The following BNIP5 variants were observed in gnomAD, a reference collection of about 807,000 sequenced individuals.
The protein encoded by BNIP5 is protein BNIP5.
A neutral mutation model predicts 67.3 loss-of-function variants in BNIP5; 61 were observed. The ratio of observed to expected loss-of-function variants is 0.91; its 90% CI spans 0.74 to 1.12. The LOEUF (loss-of-function observed/expected upper bound fraction) is 1.12, where lower values mean the gene tolerates loss of function less well. Ranked by LOEUF, BNIP5 falls within the 50% of genes most tolerant of loss-of-function variation. The pLI, the probability that BNIP5 is intolerant of heterozygous loss-of-function variation, is 0.00. For synonymous variants in BNIP5, 317 were observed against 319.0 expected, an observed-to-expected ratio of 0.99 and a Z score of 0.07; for missense variants, 826 against 816.3, an observed-to-expected ratio of 1.01 and a Z score of -0.14.
Position 36,322,189 on chromosome 6 carries a change from G to A in BNIP5, c.1603+122C>T, listed in dbSNP as rs1324006381. On this transcript the variant is annotated intron_variant, in intron 9 of 11. Transcript: ENST00000437635. ...CCCTGCCCCATCCTAGAGTCTCCTG[G>A]GGTCTTTGCCTGCTGCCTTCCCCAT... is the stretch of plus-strand genomic sequence containing the variant. 4.0e-6 allele frequency: 5 copies of A among 1,265,824 alleles called. No individual in the cohort carries two copies. In the Admixed American group the frequency reaches 8.5e-5, roughly 22 times the overall value. 78.4% of individuals were successfully genotyped at this position (1,265,824 alleles called of 1,614,324 possible).
At chr6:36,321,797 T>C (rs898729984) in intron 9 of BNIP5, among the ~76,000 whole-genome samples, 5 of 152,230 alleles carry the variant, frequency 3.3e-5, no homozygotes, top group African/African-American at 1.2e-4. Context: ...AACCTCGGCC[T>C]CCTGGGTTCC....
intron 2 of BNIP5, 108 bp downstream of exon 2, chr6:36,329,973 C>T (rs148100546): frequency 2.5e-5 from 32 of 1,271,010 alleles, no homozygotes; most frequent in Middle Eastern, 2.8e-4. Context: ...ACAGCGGTGC[C>T]GGCCCCTGAC....
chr6:36,324,614 T>C (rs1257936549), intron 6 of BNIP5, among the ~76,000 whole-genome samples: 1 of 39,072 alleles, frequency 2.6e-5, no homozygotes, highest in Non-Finnish European at 4.8e-5. Context: ...TATATATATA[T>C]ATATATATAT....
chr6:36,318,458 A>T (rs1435240446), intron 11 of BNIP5, among the ~76,000 whole-genome samples: 1 of 152,118 alleles, frequency 6.6e-6, no homozygotes, highest in Non-Finnish European at 1.5e-5. Flanking sequence ...CTGTAATCCC[A>T]GCACTTTGGG....
rs113633413 is a variant in BNIP5, at chr6:36,317,310, G to A, written c.*46C>T. Reference sequence around the variant, plus strand: ...TTCAGGGTCTCCTGGCTAAAGCTGCGAACCATTTGGCTAGTTCAAGGGAAT... The same window carrying A: ...TTCAGGGTCTCCTGGCTAAAGCTGCAAACCATTTGGCTAGTTCAAGGGAAT... On this transcript the variant is annotated 3_prime_UTR_variant, in exon 12 of 12. Coordinates refer to ENST00000437635, the MANE Select transcript of BNIP5 (RefSeq NM_001010903.5). The A allele has an allele frequency of 5.3e-4, 819 of 1,532,782 alleles. 3 individuals are homozygous for A. Among genetic ancestry groups the A allele is most frequent in the African/African-American group, 2.9e-3 (209 of 73,282 alleles). 94.9% of individuals were successfully genotyped at this position (1,532,782 alleles called of 1,614,324 possible). A position where few individuals can be genotyped will look rare whatever the true frequency, so the allele number is the denominator to read the frequency against.
Position 36,326,718 on chromosome 6 carries a change from T to G in BNIP5, c.828A>C (p.Pro276=). Residue 276 remains proline (P), a synonymous_variant, in exon 5 of 12, where the codon CCA becomes CCC. Coordinates refer to ENST00000437635, the MANE Select transcript of BNIP5 (RefSeq NM_001010903.5). ...SLASQLGVAL[P]NPAPAVRKKS... ...TCTTCCTAACAGCTGGTGCTGGGTT[T>G]GGCAGGGCCACCCCCAGCTGTGAGG... The G allele has an allele frequency of 6.2e-7, 1 of 1,614,224 alleles. No individual in the cohort carries two copies. The highest frequency in any genetic ancestry group is 1.7e-5 in the Admixed American group (1 of 60,026).
chr6:36,317,293 C>T lies in BNIP5; in HGVS notation c.*63G>A. On this transcript the variant is annotated 3_prime_UTR_variant, in exon 12 of 12. Transcript: ENST00000437635. The stretch of plus-strand genomic sequence containing the variant: ...GGACATCACAGAGCATCTTCAGGGT[C>T]TCCTGGCTAAAGCTGCGAACCATTT... 7.5e-7 allele frequency: 1 copy of T among 1,326,974 alleles called. No individual in the cohort carries two copies. The highest frequency in any genetic ancestry group is 1.1e-6 in the Non-Finnish European group (1 of 918,002). 82.2% of individuals were successfully genotyped at this position (1,326,974 alleles called of 1,614,324 possible). A position where few individuals can be genotyped will look rare whatever the true frequency, so the allele number is the denominator to read the frequency against.
At chr6:36,333,245 C>T (rs975043991) in intron 1 of BNIP5, among the ~76,000 whole-genome samples, 11 of 152,172 alleles carry the variant, frequency 7.2e-5, no homozygotes, top group Non-Finnish European at 1.2e-4. Flanking sequence ...CCATTGGGGC[C>T]GAGTGTCCAC....
rs73406937 is a variant in BNIP5 at position 36,331,151 on chromosome 6, G to A, written c.-4-457C>T. Among the ~76,000 whole-genome samples the A allele has an allele frequency of 8.9e-4, 135 of 152,306 alleles. 1 individual carries two copies. Among genetic ancestry groups the A allele is most frequent in the African/African-American group, 2.6e-3 (106 of 41,556 alleles). Reference sequence around the variant, plus strand: ...GGGCCCATTCACCCTGCCCACTAACGTGAGTAGTGTCAACAATTTCTCAAA... The same window carrying A: ...GGGCCCATTCACCCTGCCCACTAACATGAGTAGTGTCAACAATTTCTCAAA... On this transcript the variant is annotated intron_variant, in intron 1 of 11. Transcript: ENST00000437635.
intron 6 of BNIP5, among the ~76,000 whole-genome samples, chr6:36,324,916 G>C (rs1771727474): frequency 1.3e-5 from 2 of 151,944 alleles, no homozygotes; most frequent in Admixed American, 1.3e-4. Flanking sequence ...TGAAGAAACT[G>C]AGACCAGAGA....
At chr6:36,335,718 G>A (rs1160171160) in intron 1 of BNIP5, among the ~76,000 whole-genome samples, 3 of 152,198 alleles carry the variant, frequency 2.0e-5, no homozygotes, top group African/African-American at 7.2e-5. Flanking sequence ...TTTGCCAGGA[G>A]CAGTGAATCA....
intron 3 of BNIP5, 52 bp from the exon 4 acceptor site, chr6:36,327,146 C>A: frequency 6.8e-7 from 1 of 1,470,894 alleles, no homozygotes; most frequent in South Asian, 1.1e-5. Context: ...ACTGACAACT[C>A]CTTCTAAATT....
In BNIP5 at chr6:36,316,366, C is replaced by G. The variant is rs1771514938; in HGVS notation, c.*990G>C. 7.6e-6 allele frequency: 3 copies of G among 397,304 alleles called. No individual in the cohort carries two copies. The highest frequency in any genetic ancestry group is 3.6e-5 in the East Asian group (1 of 28,082). The allele number at this position is 397,304 out of a possible 1,614,324, so 24.6% of individuals were successfully genotyped here. A position where few individuals can be genotyped will look rare whatever the true frequency, so the allele number is the denominator to read the frequency against. ...AAGCTATTGAAACTGTTGAGCTATA[C>G]AGAAGGCAGAGCCTCTGGCACCCCC... On this transcript the variant is annotated 3_prime_UTR_variant, in exon 12 of 12. Transcript: ENST00000437635.
chr6:36,326,407 C>G (rs1447156805), intron 5 of BNIP5, 103 bp downstream of exon 5: 21 of 1,436,622 alleles, frequency 1.5e-5, no homozygotes, highest in Non-Finnish European at 1.9e-5. Context: ...AAAGTCAGAC[C>G]AGGCACAACG....
At chr6:36,335,131 A>C (rs1313874845) in intron 1 of BNIP5, among the ~76,000 whole-genome samples, 1 of 152,202 alleles carries the variant, frequency 6.6e-6, no homozygotes, top group Non-Finnish European at 1.5e-5. Context: ...CTGACCCTGG[A>C]ACGGGAAGTT....
rs1771538639 is a variant in BNIP5 at position 36,317,195 on chromosome 6, C to T, written c.*161G>A. On this transcript the variant is annotated 3_prime_UTR_variant, in exon 12 of 12. Transcript: ENST00000437635. ...CCTTGTGGAAGAATGCTCTGTGCTTCTCAGATACTAGGGTATGGACACAGA... is the reference window on the plus strand; with the variant it reads ...CCTTGTGGAAGAATGCTCTGTGCTTTTCAGATACTAGGGTATGGACACAGA... 1.4e-6 allele frequency: 1 copy of T among 690,496 alleles called. No homozygotes were observed. The highest frequency in any genetic ancestry group is 2.6e-6 in the Non-Finnish European group (1 of 379,384). The allele number at this position is 690,496 out of a possible 1,614,324, so 42.8% of individuals were successfully genotyped here.
chr6:36,316,543 C>A lies in BNIP5; in HGVS notation c.*813G>T, dbSNP rs532175303. On this transcript the variant is annotated 3_prime_UTR_variant, in exon 12 of 12. Transcript: ENST00000437635. ...GAGTATGGTGCTCTTGAGCAGTGCA[C>A]CCCTGTGCAACAATCCATGGCAGTC... is the stretch of plus-strand genomic sequence containing the variant. 20 of 398,692 alleles carry A rather than the reference C, an allele frequency of 5.0e-5. No individual in the cohort carries two copies. The South Asian group carries it at 7.6e-4, about 15-fold the overall frequency. The allele number at this position is 398,692 out of a possible 1,614,324, so 24.7% of individuals were successfully genotyped here. A position where few individuals can be genotyped will look rare whatever the true frequency, so the allele number is the denominator to read the frequency against.
At chr6:36,329,650 A>G (rs531006731) in intron 2 of BNIP5, among the ~76,000 whole-genome samples, 42 of 152,134 alleles carry the variant, frequency 2.8e-4, no homozygotes, top group African/African-American at 1.0e-3. Context: ...GTCTCTGCTA[A>G]AAAATACAAA....
At position 36,316,475 on chromosome 6, in the gene BNIP5, A is replaced by G. The variant is rs1771517975; in HGVS notation, c.*881T>C. The G allele has an allele frequency of 2.5e-6, 1 of 398,528 alleles. No individual in the cohort carries two copies. Among genetic ancestry groups the G allele is most frequent in the Admixed American group, 4.4e-5 (1 of 22,724 alleles). The allele number at this position is 398,528 out of a possible 1,614,324, so 24.7% of individuals were successfully genotyped here. A position where few individuals can be genotyped will look rare whatever the true frequency, so the allele number is the denominator to read the frequency against. ...ACCAGCTGCAAAACTGTCATGATAA[A>G]TCTACAAATCCACAATGTCTAGGAC... On this transcript the variant is annotated 3_prime_UTR_variant, in exon 12 of 12. Coordinates refer to ENST00000437635, the MANE Select transcript of BNIP5 (RefSeq NM_001010903.5).
Sources: gnomAD v4.1 joint callset for allele counts (sites outside exome capture counted in the v4.1 genomes callset) on GRCh38, gnomAD v4.1.1 for gene constraint, MANE v1.5 for transcripts, NCBI Gene and HGNC (gene_info 2026-07-23, HGNC 2026-07-21) for gene names.